Variants in ATAD2 observed in about 807,000 individuals in gnomAD.
The protein encoded by ATAD2 is ATPase family AAA domain containing 2, also known as ATPase family AAA domain-containing protein 2.
Under a neutral mutation model 168.9 loss-of-function variants are expected in ATAD2, and 62 were observed. The ratio of observed to expected loss-of-function variants is 0.37; its 90% CI spans 0.30 to 0.45. The LOEUF (loss-of-function observed/expected upper bound fraction) is 0.45. Among genes scored for constraint, ATAD2 ranks in the 20% least tolerant of loss-of-function variants. The pLI is 1.00. For missense variants in ATAD2, 1,419 were observed against 1,667.8 expected (o/e 0.85, Z 2.60); for synonymous variants, 613 against 571.6 (o/e 1.07, Z -1.03).
At chr8:123,382,625 G>T (rs1209760929) in intron 1 of ATAD2, among the ~76,000 whole-genome samples, 1 of 152,112 alleles carries the variant, frequency 6.6e-6, no homozygotes, top group African/African-American at 2.4e-5. Context: ...TTTTAAAAAA[G>T]AAAGTTCTAA....
chr8:123,401,574 G>A (rs1210302741), intron 1 of ATAD2: 6 of 1,427,738 alleles, frequency 4.2e-6, no homozygotes, highest in Non-Finnish European at 5.8e-6. Context: ...CATCACCCAG[G>A]AAGTGATGGC....
At chr8:123,359,398 ACAC>A in intron 10 of ATAD2, 62 bp from the exon 11 acceptor site, 2 of 1,287,762 alleles carry the variant, frequency 1.6e-6, no homozygotes, top group Non-Finnish European at 2.2e-6. Context: ...ATGTCACCCC[ACAC>A]CATACACAGT....
upstream of ATAD2, chr8:123,401,279 C>T (rs994021878): frequency 1.3e-5 from 14 of 1,076,936 alleles, no homozygotes; most frequent in Admixed American, 1.4e-4. Context: ...TACCCTGTGG[C>T]CTCCAAGGAT....
chr8:123,354,876 T>TAC lies in ATAD2; in HGVS notation c.1646+1512_1646+1513insGT, dbSNP rs1828589576. Among the ~76,000 whole-genome samples the TAC allele has an allele frequency of 3.2e-5, 4 of 123,588 alleles. 1 individual carries two copies. The Admixed American group carries it at 3.5e-4, about 11-fold the overall frequency. 81.1% of individuals were successfully genotyped at this position (123,588 alleles called of 152,430 possible). On this transcript the variant is annotated intron_variant, in intron 13 of 27. Coordinates refer to ENST00000287394, the MANE Select transcript of ATAD2 (RefSeq NM_014109.4). ...AAAAAAAAAAAAAAATATATATATA[T>TAC]ATATATATATATTTGAGATGGCACA...
upstream of ATAD2, among the ~76,000 whole-genome samples, chr8:123,397,821 G>A (rs1027296874): frequency 6.6e-6 from 1 of 152,076 alleles, no homozygotes; most frequent in East Asian, 1.9e-4. Flanking sequence ...GGAGGGAAGA[G>A]TGCAATTTAA....
Position 123,345,076 on chromosome 8 carries a change from G to C in ATAD2, c.2533-7C>G. 1 of 1,589,040 alleles carries C rather than the reference G, an allele frequency of 6.3e-7. No individual in the cohort carries two copies. The highest frequency in any genetic ancestry group is 2.2e-5 in the East Asian group (1 of 44,534). On this transcript the variant is annotated splice_polypyrimidine_tract_variant and splice_region_variant and intron_variant, in intron 18 of 27. Transcript: ENST00000287394. Reference sequence around the variant, plus strand: ...TCTTAGCTTCACGAATCACCTAGTAGAGAGAGAACAAAACAAATTCAGTTA... The same window carrying C: ...TCTTAGCTTCACGAATCACCTAGTACAGAGAGAACAAAACAAATTCAGTTA...
intron 19 of ATAD2, among the ~76,000 whole-genome samples, chr8:123,340,885 T>C (rs1828041777): frequency 6.6e-6 from 1 of 151,964 alleles, no homozygotes; most frequent in Non-Finnish European, 1.5e-5. Flanking sequence ...CCCAACATTG[T>C]AAATGCACTT....
chr8:123,415,313 T>C (rs922058485), intron 1 of ATAD2, among the ~76,000 whole-genome samples: 3 of 152,206 alleles, frequency 2.0e-5, no homozygotes, highest in Admixed American at 6.6e-5. Flanking sequence ...ATAGAGGCTA[T>C]GTGGAAGTTT....
intron 17 of ATAD2, 69 bp downstream of exon 17, chr8:123,346,549 C>A: frequency 7.4e-7 from 1 of 1,355,188 alleles, no homozygotes; most frequent in Non-Finnish European, 9.8e-7. Flanking sequence ...TTTATTTTTT[C>A]AACCACATCT....
At chr8:123,332,170 C>A (rs184763934) in intron 24 of ATAD2, among the ~76,000 whole-genome samples, 2 of 152,034 alleles carry the variant, frequency 1.3e-5, no homozygotes, top group Non-Finnish European at 1.5e-5. Context: ...TTCTAGGCTA[C>A]GTGATTCAAT....
intron 1 of ATAD2, among the ~76,000 whole-genome samples, chr8:123,405,893 A>C (rs1449046791): frequency 6.6e-6 from 1 of 152,248 alleles, no homozygotes; most frequent in Non-Finnish European, 1.5e-5. Flanking sequence ...TCTGTAGAAT[A>C]AATTTCTAGA....
At chr8:123,387,117 AT>A (rs956127658) in intron 1 of ATAD2, among the ~76,000 whole-genome samples, 2 of 152,034 alleles carry the variant, frequency 1.3e-5, no homozygotes, top group Non-Finnish European at 2.9e-5. Flanking sequence ...TGCAAAAACC[AT>A]TTTTTTCCTA....
At chr8:123,334,924 C>A (rs1041981386) in intron 22 of ATAD2, among the ~76,000 whole-genome samples, 1 of 152,154 alleles carries the variant, frequency 6.6e-6, no homozygotes, top group Admixed American at 6.5e-5. Flanking sequence ...GTACATTACA[C>A]GCAGAATGCT....
At chr8:123,324,091 T>C (rs939100865) in intron 26 of ATAD2, among the ~76,000 whole-genome samples, 23 of 152,352 alleles carry the variant, frequency 1.5e-4, no homozygotes, top group Admixed American at 1.3e-3. Flanking sequence ...GAGATTTACA[T>C]GGGTTTTCAG....
intron 1 of ATAD2, among the ~76,000 whole-genome samples, chr8:123,407,503 C>T (rs1386648255): frequency 1.3e-5 from 2 of 151,704 alleles, no homozygotes; most frequent in African/African-American, 4.8e-5. Flanking sequence ...GCAGGTGGAT[C>T]ATCTGAGGTC....
intron 1 of ATAD2, among the ~76,000 whole-genome samples, chr8:123,414,494 C>T (rs118129796): frequency 3.5e-3 from 540 of 152,218 alleles, no homozygotes; most frequent in Middle Eastern, 6.8e-3. Context: ...CACGGTGGTG[C>T]GTGCCTGCAG....
intron 12 of ATAD2, 37 bp downstream of exon 12, chr8:123,357,525 C>T: frequency 6.4e-7 from 1 of 1,553,136 alleles, no homozygotes. Context: ...GCCTAGATTA[C>T]AGAACTATCC....
intron 8 of ATAD2, among the ~76,000 whole-genome samples, chr8:123,362,980 G>A (rs1334247926): frequency 6.6e-6 from 1 of 152,156 alleles, no homozygotes; most frequent in Non-Finnish European, 1.5e-5. Context: ...TAAGATGCCA[G>A]ATATTACAAA....
chr8:123,389,986 T>TATATATATATATATATATATATA (rs58743148), intron 1 of ATAD2, among the ~76,000 whole-genome samples: 49 of 67,598 alleles, frequency 7.2e-4, no homozygotes, highest in South Asian at 2.0e-3. Flanking sequence ...ATATATATAT[T>TATATATATATATATATATATATA]TTTTTTTTTT....
Sources: allele counts gnomAD v4.1 joint callset (sites outside exome capture counted in the v4.1 genomes callset), GRCh38; gene constraint gnomAD v4.1.1; transcripts MANE v1.5; gene names NCBI Gene and HGNC (gene_info 2026-07-23, HGNC 2026-07-21).